EYS: variants seen among roughly 807,000 people sequenced by gnomAD.
EYS encodes protein eyes shut homolog.
In EYS, 250 loss-of-function variants were observed where a neutral mutation model predicts 282.1. The ratio of observed to expected loss-of-function variants is 0.89; its 90% confidence interval spans 0.80 to 0.98. EYS has a LOEUF of 0.98. EYS is among the 50% of genes least tolerant of loss of function. The pLI is 0.00. For synonymous variants in EYS, 1,355 were observed against 1,282.9 expected (o/e 1.06, Z -1.20); for missense variants, 4,016 against 3,709.0 (o/e 1.08, Z -2.15).
intron 33 of EYS, among the ~76,000 whole-genome samples, chr6:64,037,094 C>T (rs1770159782): frequency 6.6e-6 from 1 of 152,132 alleles, no homozygotes; most frequent in Non-Finnish European, 1.5e-5. Context: ...TGGTTATATA[C>T]TACCCTGTCA....
At chr6:65,087,416 T>C (rs966802107) in intron 12 of EYS, among the ~76,000 whole-genome samples, 1 of 152,156 alleles carries the variant, frequency 6.6e-6, no homozygotes, top group African/African-American at 2.4e-5. Context: ...GTGTGCAGCA[T>C]TCAAAATTGT....
chr6:65,356,546 G>A (rs144630428), intron 8 of EYS, among the ~76,000 whole-genome samples: 1 of 151,988 alleles, frequency 6.6e-6, no homozygotes, highest in African/African-American at 2.4e-5. Flanking sequence ...TTTGACTTCT[G>A]GCTTTTCTTA....
intron 14 of EYS, among the ~76,000 whole-genome samples, chr6:64,983,302 T>A (rs952671664): frequency 6.6e-6 from 1 of 151,220 alleles, no homozygotes; most frequent in East Asian, 1.9e-4. Flanking sequence ...AGAGTGCACT[T>A]CTTATCTAGT....
chr6:64,247,714 C>T (rs955158266), intron 30 of EYS, among the ~76,000 whole-genome samples: 4 of 151,968 alleles, frequency 2.6e-5, no homozygotes, highest in African/African-American at 9.7e-5. Flanking sequence ...CTAAATGCTG[C>T]ATATGTACTA....
chr6:65,176,889 AT>A (rs1765239203), intron 12 of EYS, among the ~76,000 whole-genome samples: 1 of 151,742 alleles, frequency 6.6e-6, no homozygotes, highest in South Asian at 2.1e-4. Context: ...TTTTAAGAAA[AT>A]TAAAATCCTT....
At chr6:65,450,789 C>T (rs13213328) in intron 5 of EYS, among the ~76,000 whole-genome samples, 15,057 of 152,096 alleles carry the variant, frequency 0.099, 981 homozygotes, top group South Asian at 0.19. Context: ...ATCTCCACAT[C>T]CAACACCTAA....
chr6:64,887,000 C>T (rs1004745970), intron 18 of EYS, among the ~76,000 whole-genome samples, 158 bp from the exon 19 acceptor site: 2 of 151,438 alleles, frequency 1.3e-5, no homozygotes, highest in Non-Finnish European at 2.9e-5. Context: ...TAGCAATTCT[C>T]CTTGCAAAAT....
At chr6:63,723,822 ATTATTAT>A (rs2149628386) in intron 42 of EYS, among the ~76,000 whole-genome samples, 1 of 143,458 alleles carries the variant, frequency 7.0e-6, no homozygotes, top group Admixed American at 7.0e-5. Context: ...TATTATTATT[ATTATTAT>A]TATTATTTTG....
intron 22 of EYS, among the ~76,000 whole-genome samples, chr6:64,655,914 C>T (rs989247490): frequency 6.6e-6 from 1 of 151,958 alleles, no homozygotes; most frequent in African/African-American, 2.4e-5. Context: ...GAGTTAACAC[C>T]TAAAAATATG....
intron 29 of EYS, among the ~76,000 whole-genome samples, chr6:64,346,717 A>G (rs1300510141): frequency 2.0e-5 from 3 of 151,522 alleles, no homozygotes; most frequent in Non-Finnish European, 1.5e-5. Flanking sequence ...ATAAAATTAA[A>G]CAAAACAAAA....
At chr6:64,277,257 G>A (rs765200817) in intron 30 of EYS, among the ~76,000 whole-genome samples, 3 of 152,000 alleles carry the variant, frequency 2.0e-5, no homozygotes, top group Non-Finnish European at 2.9e-5. Flanking sequence ...AATTTCCACA[G>A]GTGTATTGAA....
chr6:65,368,455 C>A (rs1052569569), intron 8 of EYS, among the ~76,000 whole-genome samples: 1 of 151,430 alleles, frequency 6.6e-6, no homozygotes, highest in East Asian at 1.9e-4. Context: ...AAAGAACAAG[C>A]CAAAAGGGCC....
At chr6:63,835,545 G>A (rs184077308) in intron 36 of EYS, among the ~76,000 whole-genome samples, 9 of 152,072 alleles carry the variant, frequency 5.9e-5, no homozygotes, top group African/African-American at 2.2e-4. Context: ...GATGCAAAGG[G>A]ATAAGAATGA....
At chr6:64,233,861 A>G (rs1262959049) in intron 30 of EYS, among the ~76,000 whole-genome samples, 2 of 152,202 alleles carry the variant, frequency 1.3e-5, no homozygotes, top group African/African-American at 2.4e-5. Flanking sequence ...AGGAACACAC[A>G]CTACTTATTT....
At chr6:65,356,513 A>T (rs1440893916) in intron 8 of EYS, among the ~76,000 whole-genome samples, 1 of 152,050 alleles carries the variant, frequency 6.6e-6, no homozygotes, top group Non-Finnish European at 1.5e-5. Context: ...TATTCTTCCT[A>T]CTACTTTAAC....
At chr6:64,300,952 A>G (rs925134372) in intron 30 of EYS, among the ~76,000 whole-genome samples, 1 of 152,224 alleles carries the variant, frequency 6.6e-6, no homozygotes, top group South Asian at 2.1e-4. Context: ...TTTGCTCTCT[A>G]GTAGAAAAGA....
At chr6:64,313,697 G>T (rs1021317396) in intron 29 of EYS, among the ~76,000 whole-genome samples, 58 of 150,950 alleles carry the variant, frequency 3.8e-4, no homozygotes, top group Admixed American at 1.5e-3. Context: ...GGCAGAAGAG[G>T]GTGGGGACCA....
intron 28 of EYS, among the ~76,000 whole-genome samples, chr6:64,401,542 T>C (rs951767689): frequency 1.8e-4 from 28 of 152,082 alleles, no homozygotes; most frequent in African/African-American, 6.8e-4. Flanking sequence ...TATTGATACA[T>C]GATACTTGTA....
chr6:63,820,801 A>G (rs1379263800), intron 36 of EYS, among the ~76,000 whole-genome samples: 1 of 152,138 alleles, frequency 6.6e-6, no homozygotes, highest in Non-Finnish European at 1.5e-5. Context: ...ATCTATTTGT[A>G]TCTTACTATG....
Sources: allele counts gnomAD v4.1 joint callset (sites outside exome capture counted in the v4.1 genomes callset), GRCh38; gene constraint gnomAD v4.1.1; transcripts MANE v1.5; gene names NCBI Gene and HGNC (gene_info 2026-07-23, HGNC 2026-07-21).